EPB41L5: variants seen among roughly 807,000 people sequenced by gnomAD.
EPB41L5 encodes the protein band 4.1-like protein 5.
EPB41L5 carries 55 observed loss-of-function variants against 106.6 expected under a neutral mutation model. The observed-to-expected ratio is 0.52, with a 90% CI of 0.42 to 0.65. The LOEUF (loss-of-function observed/expected upper bound fraction) is 0.65, where lower values mean the gene tolerates loss of function less well. Among genes scored for constraint, EPB41L5 ranks in the 30% least tolerant of loss-of-function variants. The pLI, the probability that EPB41L5 is intolerant of heterozygous loss-of-function variation, is 0.00. For missense variants in EPB41L5, 871 were observed against 882.1 expected (o/e 0.99, Z 0.16); for synonymous variants, 297 against 306.7 (o/e 0.97, Z 0.33).
intron 2 of EPB41L5, among the ~76,000 whole-genome samples, chr2:120,023,570 GTTTTGGT>G (rs1678092162): frequency 6.6e-6 from 1 of 152,126 alleles, no homozygotes; most frequent in South Asian, 2.1e-4. Flanking sequence ...GTACCATGCT[GTTTTGGT>G]TACTATAGCC....
intron 14 of EPB41L5, among the ~76,000 whole-genome samples, chr2:120,096,279 T>C (rs1251880053): frequency 6.6e-6 from 1 of 152,154 alleles, no homozygotes; most frequent in East Asian, 1.9e-4. Flanking sequence ...TTGACTATAA[T>C]AGCACTCCGC....
chr2:120,092,156 G>A (rs1222567252), intron 13 of EPB41L5, among the ~76,000 whole-genome samples: 24 of 152,078 alleles, frequency 1.6e-4, no homozygotes, highest in Admixed American at 1.6e-3. Flanking sequence ...AGCCACCTGA[G>A]TAGCTGGGAT....
chr2:120,100,716 T>G lies in EPB41L5; in HGVS notation c.1239T>G (p.Ser413=), dbSNP rs772832226. 1.4e-5 allele frequency: 23 copies of G among 1,613,784 alleles called. No individual in the cohort carries two copies. The highest frequency in any genetic ancestry group is 1.9e-5 in the Non-Finnish European group (22 of 1,179,830). ...NGSQQAWGMR[S]ALPVSPSISS... is the part of the protein sequence containing the mutation. The stretch of plus-strand genomic sequence containing the variant: ...GTCCAAAGGCTTGGGGGATGAGATC[T>G]GCTCTGCCTGTGAGTCCTTCCATTT... The change falls in exon 16 of 25, where the codon TCT becomes TCG. Residue 413 remains serine, a synonymous_variant. Transcript: ENST00000263713.
intron 16 of EPB41L5, among the ~76,000 whole-genome samples, chr2:120,122,310 T>C (rs563347643): frequency 1.1e-4 from 17 of 152,236 alleles, no homozygotes; most frequent in Non-Finnish European, 2.4e-4. Flanking sequence ...TGGTTTTAGG[T>C]CTAACGTTTA....
At chr2:120,110,635 ATTTT>A (rs1234465616) in intron 16 of EPB41L5, among the ~76,000 whole-genome samples, 1 of 118,734 alleles carries the variant, frequency 8.4e-6, no homozygotes, top group Non-Finnish European at 1.8e-5. Flanking sequence ...ACCTTCCCCT[ATTTT>A]TTTTTTTTTT....
At chr2:120,017,824 A>G (rs1677626569) in intron 1 of EPB41L5, among the ~76,000 whole-genome samples, 1 of 152,114 alleles carries the variant, frequency 6.6e-6, no homozygotes, top group African/African-American at 2.4e-5. Context: ...TTGAGACAGA[A>G]TCTCCCTCTG....
chr2:120,121,004 C>G (rs757522263), intron 16 of EPB41L5, among the ~76,000 whole-genome samples: 3 of 152,144 alleles, frequency 2.0e-5, no homozygotes, highest in Non-Finnish European at 4.4e-5. Context: ...GCAATCCCAG[C>G]CACTGGTGAG....
chr2:120,133,391 A>G (rs1184861196), intron 18 of EPB41L5, among the ~76,000 whole-genome samples: 1 of 151,918 alleles, frequency 6.6e-6, no homozygotes, highest in Non-Finnish European at 1.5e-5. Flanking sequence ...GGCTGATGCC[A>G]CCCCTCCCCT....
chr2:120,137,212 G>A (rs1281791900), intron 18 of EPB41L5, among the ~76,000 whole-genome samples: 15 of 151,844 alleles, frequency 9.9e-5, no homozygotes, highest in Admixed American at 5.3e-4. Context: ...TCGATACAGC[G>A]AAAGCAGTAC....
At chr2:120,090,144 C>T (rs1250220628) in intron 11 of EPB41L5, among the ~76,000 whole-genome samples, 1 of 151,492 alleles carries the variant, frequency 6.6e-6, no homozygotes, top group African/African-American at 2.4e-5. Flanking sequence ...AGGGGAATAA[C>T]TCCTAGGAAT....
chr2:120,142,117 A>ATTT (rs1558902675), intron 18 of EPB41L5, among the ~76,000 whole-genome samples: 122 of 20,726 alleles, frequency 5.9e-3, no homozygotes, highest in African/African-American at 7.1e-3. Flanking sequence ...CTTTTTTAAA[A>ATTT]AAAAAAAAAA....
chr2:120,168,094 G>A (rs1468063986), intron 24 of EPB41L5, 87 bp downstream of exon 24: 3 of 1,429,766 alleles, frequency 2.1e-6, no homozygotes, highest in South Asian at 2.7e-5. Context: ...AAGCAGCAAT[G>A]TCAATTCTTC....
chr2:120,136,471 TAAA>T (rs1021678915), intron 18 of EPB41L5, among the ~76,000 whole-genome samples: 1 of 138,532 alleles, frequency 7.2e-6, no homozygotes. Context: ...CTACATGGAT[TAAA>T]AAAAAAAAAG....
At chr2:120,167,334 C>A in intron 22 of EPB41L5, 132 bp from the exon 23 acceptor site, 1 of 710,770 alleles carries the variant, frequency 1.4e-6, no homozygotes. Flanking sequence ...CATGTCAGCT[C>A]AAGGAACACC....
At chr2:120,018,561 TTATAA>T (rs1476240349) in intron 1 of EPB41L5, among the ~76,000 whole-genome samples, 1 of 152,236 alleles carries the variant, frequency 6.6e-6, no homozygotes, top group Non-Finnish European at 1.5e-5. Flanking sequence ...TATTTATCAT[TTATAA>T]TATGTCTTGA....
chr2:120,173,851 T>TTTG lies in EPB41L5; in HGVS notation c.2136-976_2136-974dup, dbSNP rs747430362. On this transcript the variant is annotated intron_variant, in intron 24 of 24. Coordinates refer to ENST00000263713, the MANE Select transcript of EPB41L5 (RefSeq NM_020909.4). ...CATATACCACCCTCACCTGGCTATT[T>TTTG]TTGTTGTTGTTGTTGTAAATACGTC... Among the ~76,000 whole-genome samples the TTTG allele has an allele frequency of 1.7e-3, 263 of 152,154 alleles. 1 individual carries two copies. Among genetic ancestry groups the TTTG allele is most frequent in the Non-Finnish European group, 3.0e-3 (205 of 68,004 alleles).
At chr2:120,024,185 A>T (rs1678143276) in intron 2 of EPB41L5, among the ~76,000 whole-genome samples, 1 of 152,084 alleles carries the variant, frequency 6.6e-6, no homozygotes. Context: ...CTCTTGCTTG[A>T]TTGCCCTGGC....
intron 17 of EPB41L5, among the ~76,000 whole-genome samples, chr2:120,129,496 C>T (rs1685605935): frequency 6.6e-6 from 1 of 152,166 alleles, no homozygotes; most frequent in Non-Finnish European, 1.5e-5. Context: ...TAAAAACAGT[C>T]TCCTTTATAG....
intron 3 of EPB41L5, among the ~76,000 whole-genome samples, chr2:120,071,750 T>G (rs986599852): frequency 3.9e-5 from 6 of 152,176 alleles, no homozygotes; most frequent in Non-Finnish European, 8.8e-5. Context: ...ACCTGGACCC[T>G]TCCTTACACC....
Sources: allele counts gnomAD v4.1 joint callset (sites outside exome capture counted in the v4.1 genomes callset), GRCh38; gene constraint gnomAD v4.1.1; transcripts MANE v1.5; gene names NCBI Gene and HGNC (gene_info 2026-07-23, HGNC 2026-07-21).